FAM237B: variants seen among roughly 807,000 people sequenced by gnomAD.
FAM237B encodes family with sequence similarity 237 member B, also known as protein FAM237B.
Position 90,319,236 on chromosome 7 carries a change from A to G in FAM237B, c.*93T>C, listed in dbSNP as rs1304868033. Reference sequence around the variant, plus strand: ...AGAATCAAAACCTATCATTTTAGGGAAAAAAACTAAATATGGTAAATTTGC... The same window carrying G: ...AGAATCAAAACCTATCATTTTAGGGGAAAAAACTAAATATGGTAAATTTGC... On this transcript the variant is annotated 3_prime_UTR_variant, in exon 3 of 3. Transcript: ENST00000692316. 7.6e-6 allele frequency: 3 copies of G among 396,926 alleles called. No individual in the cohort carries two copies. The highest frequency in any genetic ancestry group is 1.3e-5 in the Non-Finnish European group (3 of 225,508). The allele number at this position is 396,926 out of a possible 1,614,324, so 24.6% of individuals were successfully genotyped here.
In FAM237B at chr7:90,319,599, TTTCCA is replaced by T; in HGVS notation, c.145_149del (p.Trp49SerfsTer38). 2.5e-6 allele frequency: 1 copy of T among 398,616 alleles called. No individual in the cohort carries two copies. 24.7% of individuals were successfully genotyped at this position (398,616 alleles called of 1,614,324 possible). ...GATCTATCAATGTCAAAGAGCAAGCTTTCCAGCACTGGAGATCAATGTCTTTGGTG... is the reference window on the plus strand; with the variant it reads ...GATCTATCAATGTCAAAGAGCAAGCTGCACTGGAGATCAATGTCTTTGGTG... On this transcript the variant is annotated frameshift_variant, in exon 3 of 3. Coordinates refer to ENST00000692316, the MANE Select transcript of FAM237B (RefSeq NM_001384237.2). LOFTEE classifies it high-confidence loss of function.
chr7:90,320,546 G>A (rs886974596), intron 2 of FAM237B, 135 bp downstream of exon 2: 2 of 152,230 alleles, frequency 1.3e-5, no homozygotes, highest in African/African-American at 4.8e-5. Flanking sequence ...ATAAGAGGAA[G>A]TTAAAGACTA....
Position 90,319,770 on chromosome 7 carries a change from G to A in FAM237B, c.-3-19C>T, listed in dbSNP as rs1323280641. 4 of 398,282 alleles carry A rather than the reference G, an allele frequency of 1.0e-5. No individual in the cohort carries two copies. Among genetic ancestry groups the A allele is most frequent in the African/African-American group, 6.2e-5 (3 of 48,604 alleles). The allele number at this position is 398,282 out of a possible 1,614,324, so 24.7% of individuals were successfully genotyped here. On this transcript the variant is annotated intron_variant, in intron 2 of 2. Transcript: ENST00000692316. ...ACATATTCTATACAGAAAAAAAAAT[G>A]AGAGAGGATATATTTAACTTAAAAA...
intron 2 of FAM237B, 114 bp from the exon 3 acceptor site, chr7:90,319,865 C>T (rs892024294): frequency 1.0e-5 from 4 of 397,138 alleles, no homozygotes; most frequent in African/African-American, 8.2e-5. Flanking sequence ...GCCAAATCTG[C>T]TTACTAGGTA....
In FAM237B at chr7:90,319,583, A is replaced by G. The variant is rs891483738; in HGVS notation, c.166T>C (p.Leu56=). 6.0e-5 allele frequency: 24 copies of G among 398,498 alleles called. No individual in the cohort carries two copies. The highest frequency in any genetic ancestry group is 9.3e-5 in the Non-Finnish European group (21 of 226,070). The allele number at this position is 398,498 out of a possible 1,614,324, so 24.7% of individuals were successfully genotyped here. A position where few individuals can be genotyped will look rare whatever the true frequency, so the allele number is the denominator to read the frequency against. The change falls in exon 3 of 3, where the codon TTG becomes CTG. Residue 56 remains leucine, a synonymous_variant. Coordinates refer to ENST00000692316, the MANE Select transcript of FAM237B (RefSeq NM_001384237.2). The part of the protein sequence containing the change: ...LQCWKACSLT[L]IDLKELKIEH... ...ATCTTGAGTTCCTTGAGATCTATCA[A>G]TGTCAAAGAGCAAGCTTTCCAGCAC...
chr7:90,320,845 T>C (rs1188362180), intron 1 of FAM237B, 77 bp downstream of exon 1: 3 of 148,698 alleles, frequency 2.0e-5, no homozygotes, highest in African/African-American at 7.4e-5. Context: ...TGATACATGA[T>C]GTATCAGAGG....
rs1304868033 is a variant in FAM237B, at chr7:90,319,236, A to C, written c.*93T>G. On this transcript the variant is annotated 3_prime_UTR_variant, in exon 3 of 3. Coordinates refer to ENST00000692316, the MANE Select transcript of FAM237B (RefSeq NM_001384237.2). ...AGAATCAAAACCTATCATTTTAGGG[A>C]AAAAAACTAAATATGGTAAATTTGC... 2.5e-6 allele frequency: 1 copy of C among 396,926 alleles called. No homozygotes were observed. The highest frequency in any genetic ancestry group is 2.1e-5 in the African/African-American group (1 of 48,596). 24.6% of individuals were successfully genotyped at this position (396,926 alleles called of 1,614,324 possible). A position where few individuals can be genotyped will look rare whatever the true frequency, so the allele number is the denominator to read the frequency against.
chr7:90,318,264 T>C lies in FAM237B; in HGVS notation c.*1065A>G, dbSNP rs952963145. 1 of 152,186 alleles carries C rather than the reference T, an allele frequency of 6.6e-6. No homozygotes were observed. Among genetic ancestry groups the C allele is most frequent in the Non-Finnish European group, 1.5e-5 (1 of 68,014 alleles). 9.4% of individuals were successfully genotyped at this position (152,186 alleles called of 1,614,324 possible). A position where few individuals can be genotyped will look rare whatever the true frequency, so the allele number is the denominator to read the frequency against. On this transcript the variant is annotated 3_prime_UTR_variant, in exon 3 of 3. Coordinates refer to ENST00000692316, the MANE Select transcript of FAM237B (RefSeq NM_001384237.2). ...TTCACATCCTTTTTGAAATAAGATG[T>C]GAGATATAAATAGGCAATATAAAAA...
chr7:90,319,849 G>A (rs1455802553), intron 2 of FAM237B, 98 bp from the exon 3 acceptor site: 1 of 397,296 alleles, frequency 2.5e-6, no homozygotes, highest in East Asian at 3.6e-5. Context: ...ATTTGCTTTT[G>A]ATCAAGCCAA....
In FAM237B at chr7:90,317,930, A is replaced by G. The variant is rs1344263241; in HGVS notation, c.*1399T>C. The G allele has an allele frequency of 3.3e-5, 5 of 152,186 alleles. No individual in the cohort carries two copies. Among genetic ancestry groups the G allele is most frequent in the Admixed American group, 6.5e-5 (1 of 15,288 alleles). 9.4% of individuals were successfully genotyped at this position (152,186 alleles called of 1,614,324 possible). On this transcript the variant is annotated 3_prime_UTR_variant, in exon 3 of 3. Coordinates refer to ENST00000692316, the MANE Select transcript of FAM237B (RefSeq NM_001384237.2). ...ACCATGGTAGCCACTGTGAAAACCT[A>G]TGGGTGAGATTTTCATTGATTCTTT...
Position 90,319,362 on chromosome 7 carries a change from T to C in FAM237B, c.387A>G (p.Thr129=), listed in dbSNP as rs1483755776. The C allele has an allele frequency of 2.5e-6, 1 of 398,610 alleles. No individual in the cohort carries two copies. The highest frequency in any genetic ancestry group is 3.6e-5 in the East Asian group (1 of 28,078). The allele number at this position is 398,610 out of a possible 1,614,324, so 24.7% of individuals were successfully genotyped here. ...TTAAATACACATTTAAATTACCTCC[T>C]GTTATTTTCTGTGGAAAATTATATT... ...PPKYNFPQKI[T]GGNLNVYLRE is the part of the protein sequence containing the mutation. The change falls in exon 3 of 3, where the codon ACA becomes ACG. Residue 129 remains threonine, a synonymous_variant. Coordinates refer to ENST00000692316, the MANE Select transcript of FAM237B (RefSeq NM_001384237.2).
chr7:90,320,084 A>C (rs1795183666), intron 2 of FAM237B, among the ~76,000 whole-genome samples: 1 of 152,192 alleles, frequency 6.6e-6, no homozygotes, highest in African/African-American at 2.4e-5. Flanking sequence ...ATCATTAGTG[A>C]TACGGTTCCG....
At position 90,317,931 on chromosome 7, in the gene FAM237B, T is replaced by C. The variant is rs1313051821; in HGVS notation, c.*1398A>G. On this transcript the variant is annotated 3_prime_UTR_variant, in exon 3 of 3. Coordinates refer to ENST00000692316, the MANE Select transcript of FAM237B (RefSeq NM_001384237.2). Reference sequence around the variant, plus strand: ...CCATGGTAGCCACTGTGAAAACCTATGGGTGAGATTTTCATTGATTCTTTG... The same window carrying C: ...CCATGGTAGCCACTGTGAAAACCTACGGGTGAGATTTTCATTGATTCTTTG... 9 of 152,180 alleles carry C rather than the reference T, an allele frequency of 5.9e-5. No homozygotes were observed. The highest frequency in any genetic ancestry group is 5.9e-4 in the Admixed American group (9 of 15,284). 9.4% of individuals were successfully genotyped at this position (152,180 alleles called of 1,614,324 possible). A position where few individuals can be genotyped will look rare whatever the true frequency, so the allele number is the denominator to read the frequency against.
At chr7:90,319,827 A>G (rs1795148900) in intron 2 of FAM237B, 76 bp from the exon 3 acceptor site, 4 of 397,654 alleles carry the variant, frequency 1.0e-5, no homozygotes, top group African/African-American at 2.1e-5. Context: ...AAAAAACTGT[A>G]AGTACACATA....
At position 90,319,598 on chromosome 7, in the gene FAM237B, C is replaced by G. The variant is rs1272410485; in HGVS notation, c.151G>C (p.Ala51Pro). ...TKDIDLQCWK[A>P]CSLTLIDLKE... is the part of the protein sequence containing the mutation. ...AGATCTATCAATGTCAAAGAGCAAG[C>G]TTTCCAGCACTGGAGATCAATGTCT... The change falls in exon 3 of 3, where the codon GCT (alanine) becomes CCT (proline). Residue 51 changes from alanine (A) to proline (P), a missense_variant. Transcript: ENST00000692316. 2.5e-6 allele frequency: 1 copy of G among 398,588 alleles called. No homozygotes were observed. The highest frequency in any genetic ancestry group is 4.4e-6 in the Non-Finnish European group (1 of 226,062). 24.7% of individuals were successfully genotyped at this position (398,588 alleles called of 1,614,324 possible).
Position 90,319,052 on chromosome 7 carries a change from T to C in FAM237B, c.*277A>G, listed in dbSNP as rs1044361986. ...TTTAAAATTTCTTCAACAAATGTAA[T>C]ATGAATAATTACAGGGTTAAATGGC... On this transcript the variant is annotated 3_prime_UTR_variant, in exon 3 of 3. Transcript: ENST00000692316. 8.5e-6 allele frequency: 2 copies of C among 235,716 alleles called. No individual in the cohort carries two copies. Among genetic ancestry groups the C allele is most frequent in the Non-Finnish European group, 1.6e-5 (2 of 124,116 alleles). The allele number at this position is 235,716 out of a possible 1,614,324, so 14.6% of individuals were successfully genotyped here. A position where few individuals can be genotyped will look rare whatever the true frequency, so the allele number is the denominator to read the frequency against.
Position 90,321,257 on chromosome 7 carries a change from G to A in FAM237B, c.-386C>T, listed in dbSNP as rs1795288403. On this transcript the variant is annotated 5_prime_UTR_variant, in exon 1 of 3. Transcript: ENST00000692316. ...GCTCTGGCTGGCACTGGCTCACCGC[G>A]GGTGGAGCTGCCGGTTCTGCTGCGG... 1 of 152,322 alleles carries A rather than the reference G, an allele frequency of 6.6e-6. No homozygotes were observed. The highest frequency in any genetic ancestry group is 1.5e-5 in the Non-Finnish European group (1 of 68,128). The allele number at this position is 152,322 out of a possible 1,614,324, so 9.4% of individuals were successfully genotyped here. A position where few individuals can be genotyped will look rare whatever the true frequency, so the allele number is the denominator to read the frequency against.
In FAM237B at chr7:90,321,026, G is replaced by T. The variant is rs1213451924; in HGVS notation, c.-155C>A. On this transcript the variant is annotated 5_prime_UTR_variant, in exon 1 of 3. Transcript: ENST00000692316. The stretch of plus-strand genomic sequence containing the variant: ...CTGGGTGCGCTACGCTCGTTGGGAG[G>T]AGGACGGGGCGCCTCCTGCCCACGA... The T allele has an allele frequency of 6.6e-6, 1 of 152,196 alleles. No homozygotes were observed. Among genetic ancestry groups the T allele is most frequent in the Non-Finnish European group, 1.5e-5 (1 of 68,050 alleles). 9.4% of individuals were successfully genotyped at this position (152,196 alleles called of 1,614,324 possible).
rs1475974890 is a variant in FAM237B at position 90,317,731 on chromosome 7, C to T, written c.*1598G>A. On this transcript the variant is annotated 3_prime_UTR_variant, in exon 3 of 3. Coordinates refer to ENST00000692316, the MANE Select transcript of FAM237B (RefSeq NM_001384237.2). ...GTGGTCAATAATGCAAAGAACGTCCCTCCTTTAATTCAGCTTATTCTTGGA... is the reference window on the plus strand; with the variant it reads ...GTGGTCAATAATGCAAAGAACGTCCTTCCTTTAATTCAGCTTATTCTTGGA... 6.6e-6 allele frequency: 1 copy of T among 152,098 alleles called. No individual in the cohort carries two copies. Among genetic ancestry groups the T allele is most frequent in the African/African-American group, 2.4e-5 (1 of 41,434 alleles). The allele number at this position is 152,098 out of a possible 1,614,324, so 9.4% of individuals were successfully genotyped here.
Sources: gnomAD v4.1 joint callset for allele counts (sites outside exome capture counted in the v4.1 genomes callset) on GRCh38, gnomAD v4.1.1 for gene constraint, MANE v1.5 for transcripts, NCBI Gene and HGNC (gene_info 2026-07-23, HGNC 2026-07-21) for gene names.